The following PCDH11X variants were observed in gnomAD, a reference collection of about 807,000 sequenced individuals.
PCDH11X encodes the protein protocadherin 11 X-linked.
Under a neutral mutation model 53.3 loss-of-function variants are expected in PCDH11X, and 18 were observed. That is an observed-to-expected ratio of 0.34 (90% CI 0.23 to 0.50). PCDH11X has a LOEUF of 0.50. PCDH11X is among the 20% of genes least tolerant of loss of function. The probability of loss-of-function intolerance (pLI) is 0.98; values close to 1 mark genes in which losing one functional copy is unlikely to be tolerated. For missense variants in PCDH11X, 570 were observed against 1,032.4 expected (o/e 0.55, Z 6.14); for synonymous variants, 279 against 393.3 (o/e 0.71, Z 3.44).
intron 8 of PCDH11X, among the ~76,000 whole-genome samples, chrX:92,379,889 A>G (rs2148563195): frequency 9.9e-6 from 1 of 101,453 alleles, no homozygotes; most frequent in Admixed American, 1.0e-4. Flanking sequence ...AATTGTCTGC[A>G]TACCTCATTC....
At chrX:92,456,808 G>C (rs940161095) in intron 9 of PCDH11X, among the ~76,000 whole-genome samples, 4 of 109,411 alleles carry the variant, frequency 3.7e-5, no homozygotes, top group Non-Finnish European at 7.6e-5. Flanking sequence ...TTTATGCTTT[G>C]TTCTTTGCTG....
chrX:92,348,429 A>G (rs1214924898), intron 8 of PCDH11X, among the ~76,000 whole-genome samples: 1 of 110,363 alleles, frequency 9.1e-6, no homozygotes, highest in Admixed American at 9.7e-5. Context: ...CTCTTTTGTA[A>G]CCATCCAAAA....
intron 5 of PCDH11X, among the ~76,000 whole-genome samples, chrX:91,855,239 A>G (rs1938258337): frequency 8.9e-6 from 1 of 111,737 alleles, no homozygotes; most frequent in Non-Finnish European, 1.9e-5. Context: ...TTCCAGCACC[A>G]TTTATTGAAG....
intron 9 of PCDH11X, chrX:92,420,510 C>G (rs753569219): frequency 2.8e-6 from 1 of 353,857 alleles, no homozygotes; most frequent in Admixed American, 2.7e-5. Flanking sequence ...CCTTCATCTA[C>G]GAATGCCTTT....
At chrX:92,554,933 C>T (rs1356347108) in intron 10 of PCDH11X, among the ~76,000 whole-genome samples, 3 of 111,412 alleles carry the variant, frequency 2.7e-5, no homozygotes, top group African/African-American at 9.8e-5. Flanking sequence ...TTCTTTGTTT[C>T]CTTAGCCCTC....
At chrX:92,010,035 T>C (rs905325099) in intron 6 of PCDH11X, among the ~76,000 whole-genome samples, 4 of 110,962 alleles carry the variant, frequency 3.6e-5, no homozygotes, top group African/African-American at 1.3e-4. Flanking sequence ...ATGACTTCTC[T>C]AGTATTTATC....
In PCDH11X at chrX:92,142,895, A is replaced by G. The variant is rs147392069; in HGVS notation, c.3034-58480A>G. On this transcript the variant is annotated intron_variant, in intron 6 of 10. Coordinates refer to ENST00000682573, the MANE Select transcript of PCDH11X (RefSeq NM_032968.5). ...CAGACACATACATACACGTTGATAT[A>G]TATACACCACACACACACAGATGCA... 5.7e-3 allele frequency among the ~76,000 whole-genome samples: 536 copies of G among 94,339 alleles called. 2 individuals carry two copies. Among genetic ancestry groups the G allele is most frequent in the African/African-American group, 0.02 (503 of 24,996 alleles). The allele number at this position is 94,339 out of a possible 115,157, so 81.9% of individuals were successfully genotyped here.
intron 5 of PCDH11X, among the ~76,000 whole-genome samples, chrX:91,859,182 C>T (rs999546083): frequency 3.6e-5 from 4 of 112,049 alleles, no homozygotes; most frequent in Non-Finnish European, 7.5e-5. Flanking sequence ...GAGATAGTAT[C>T]TCATTGTGAT....
intron 9 of PCDH11X, among the ~76,000 whole-genome samples, chrX:92,419,385 C>T (rs1228097789): frequency 9.5e-6 from 1 of 105,348 alleles, no homozygotes; most frequent in Non-Finnish European, 1.9e-5. Context: ...TCCCAAATAG[C>T]TGGGACTGCA....
At chrX:92,042,630 GT>G (rs1303115295) in intron 6 of PCDH11X, among the ~76,000 whole-genome samples, 1 of 79,045 alleles carries the variant, frequency 1.3e-5, no homozygotes, top group African/African-American at 4.7e-5. Flanking sequence ...CTATAAAGTT[GT>G]TGCTTTTTTT....
At position 91,879,840 on chromosome X, in the gene PCDH11X, C is replaced by T. The variant is rs1939811059; in HGVS notation, c.3033+567C>T. 7 of 746,981 alleles carry T rather than the reference C, an allele frequency of 9.4e-6. No individual in the cohort carries two copies. In the South Asian group the frequency reaches 4.1e-4, roughly 43 times the overall value. The allele number at this position is 746,981 out of a possible 1,213,427, so 61.6% of individuals were successfully genotyped here. On this transcript the variant is annotated intron_variant, in intron 6 of 10. Transcript: ENST00000682573. ...TCAAAATTATTTTGGTGCATCAAAT[C>T]TACAGTCACACAATATAACAAGAAT... is the stretch of plus-strand genomic sequence containing the variant.
intron 10 of PCDH11X, among the ~76,000 whole-genome samples, chrX:92,518,471 A>G (rs1263439609): frequency 8.9e-6 from 1 of 111,898 alleles, no homozygotes. Context: ...CTATGGATCT[A>G]CTTAACTGAG....
intron 8 of PCDH11X, among the ~76,000 whole-genome samples, chrX:92,267,861 C>CATGG (rs2148422221): frequency 8.9e-6 from 1 of 112,166 alleles, no homozygotes; most frequent in East Asian, 2.8e-4. Context: ...GAAGGCATCA[C>CATGG]ATGGTGTGAA....
At chrX:92,225,200 T>C (rs927932303) in intron 7 of PCDH11X, among the ~76,000 whole-genome samples, 5 of 111,348 alleles carry the variant, frequency 4.5e-5, no homozygotes, top group African/African-American at 1.6e-4. Flanking sequence ...GTACAAAACA[T>C]ATTTTGCTCT....
At chrX:92,095,747 C>A (rs757188338) in intron 6 of PCDH11X, among the ~76,000 whole-genome samples, 53 of 112,050 alleles carry the variant, frequency 4.7e-4, no homozygotes, top group African/African-American at 1.7e-3. Flanking sequence ...AATGACTTTG[C>A]TTTTTAGTAA....
intron 7 of PCDH11X, among the ~76,000 whole-genome samples, chrX:92,202,221 T>A (rs2066402973): frequency 9.0e-6 from 1 of 111,630 alleles, no homozygotes. Flanking sequence ...AGGGGCCACA[T>A]GTGCAGTGTG....
At chrX:91,920,321 T>C (rs1300143240) in intron 6 of PCDH11X, among the ~76,000 whole-genome samples, 1 of 110,304 alleles carries the variant, frequency 9.1e-6, no homozygotes. Context: ...CAATGGTGGA[T>C]AAAATAGGGC....
intron 7 of PCDH11X, among the ~76,000 whole-genome samples, chrX:92,243,846 A>G (rs906987852): frequency 2.7e-5 from 3 of 111,758 alleles, no homozygotes; most frequent in Non-Finnish European, 5.7e-5. Flanking sequence ...GATTTCTGCT[A>G]TTCTTTGCTT....
intron 6 of PCDH11X, among the ~76,000 whole-genome samples, chrX:92,117,710 G>C (rs892588476): frequency 9.0e-6 from 1 of 111,599 alleles, no homozygotes; most frequent in Non-Finnish European, 1.9e-5. Flanking sequence ...CATTTGAAGA[G>C]AGCTATATTC....
Sources: gnomAD v4.1 joint callset for allele counts (sites outside exome capture counted in the v4.1 genomes callset) on GRCh38, gnomAD v4.1.1 for gene constraint, MANE v1.5 for transcripts, NCBI Gene and HGNC (gene_info 2026-07-23, HGNC 2026-07-21) for gene names.